MORC1: variants seen among roughly 807,000 people sequenced by gnomAD.
MORC1 encodes the protein MORC family CW-type zinc finger 1, also known as MORC family CW-type zinc finger protein 1.
Under a neutral mutation model 134.9 loss-of-function variants are expected in MORC1, and 59 were observed. That is an observed-to-expected ratio of 0.44 (90% CI 0.35 to 0.54). The LOEUF (loss-of-function observed/expected upper bound fraction) is 0.54, where lower values mean the gene tolerates loss of function less well. Among genes scored for constraint, MORC1 ranks in the 20% least tolerant of loss-of-function variants. The probability of loss-of-function intolerance (pLI) is 0.00; values close to 1 mark genes in which losing one functional copy is unlikely to be tolerated. For missense variants in MORC1, 947 were observed against 1,134.5 expected (o/e 0.83, Z 2.37); for synonymous variants, 395 against 391.7 (o/e 1.01, Z -0.10).
intron 21 of MORC1, among the ~76,000 whole-genome samples, chr3:108,994,504 C>T (rs764762847): frequency 2.6e-5 from 4 of 152,058 alleles, no homozygotes; most frequent in Non-Finnish European, 4.4e-5. Context: ...TCTGGGTTTG[C>T]CTCTAACATT....
At chr3:108,964,929 T>C (rs981511459) in intron 26 of MORC1, among the ~76,000 whole-genome samples, 14 of 152,154 alleles carry the variant, frequency 9.2e-5, no homozygotes, top group African/African-American at 2.7e-4. Flanking sequence ...GAATCCACTT[T>C]TGAACATCTT....
chr3:109,042,150 G>A (rs1949569400), intron 14 of MORC1, among the ~76,000 whole-genome samples: 1 of 152,096 alleles, frequency 6.6e-6, no homozygotes. Context: ...GAACCCAGTC[G>A]GTGGGAAGTA....
intron 11 of MORC1, among the ~76,000 whole-genome samples, chr3:109,060,797 C>G (rs1364861795): frequency 6.6e-6 from 1 of 152,070 alleles, no homozygotes. Context: ...GCCCCCAGAG[C>G]ACAGAACAGA....
intron 14 of MORC1, among the ~76,000 whole-genome samples, chr3:109,037,362 T>C (rs1221372548): frequency 6.6e-6 from 1 of 152,238 alleles, no homozygotes; most frequent in Non-Finnish European, 1.5e-5. Flanking sequence ...TTCTTCTCTG[T>C]ACACCAGCTC....
At chr3:108,976,582 G>T (rs531652486) in intron 24 of MORC1, among the ~76,000 whole-genome samples, 11 of 152,206 alleles carry the variant, frequency 7.2e-5, no homozygotes, top group Non-Finnish European at 1.5e-4. Context: ...ACTACATGTT[G>T]CTGAAAGCAA....
intron 1 of MORC1, among the ~76,000 whole-genome samples, chr3:109,117,409 A>G (rs1259391082): frequency 6.6e-6 from 1 of 152,086 alleles, no homozygotes; most frequent in African/African-American, 2.4e-5. Context: ...ACTAACTGCT[A>G]TAATTTGCTG....
At position 108,959,037 on chromosome 3, in the gene MORC1, A is replaced by G. The variant is rs1180832084; in HGVS notation, c.2883T>C (p.Asn961=). ...TTGCATCTATAGTTACTTTATTTAA[A>G]TTGTTCTGGAAGAGAAGATTATCTT... ...LKEDNLLFQN[N]LNKVTIDARH... Residue 961 remains asparagine (N), a synonymous_variant, in exon 28 of 28, where the codon AAT becomes AAC. Transcript: ENST00000232603. 5 of 1,558,976 alleles carry G rather than the reference A, an allele frequency of 3.2e-6. No individual in the cohort carries two copies. Among genetic ancestry groups the G allele is most frequent in the Non-Finnish European group, 4.3e-6 (5 of 1,153,570 alleles).
intron 26 of MORC1, among the ~76,000 whole-genome samples, chr3:108,966,579 A>G (rs1947226530): frequency 6.6e-6 from 1 of 152,218 alleles, no homozygotes; most frequent in African/African-American, 2.4e-5. Flanking sequence ...GGAGAAAGTG[A>G]AATATAATAA....
At chr3:109,004,055 G>A (rs907324992) in intron 20 of MORC1, among the ~76,000 whole-genome samples, 3 of 152,064 alleles carry the variant, frequency 2.0e-5, no homozygotes, top group Admixed American at 2.0e-4. Context: ...GCGACAGAGC[G>A]AGACTTCGTC....
intron 17 of MORC1, among the ~76,000 whole-genome samples, chr3:109,017,741 A>G (rs1948850026): frequency 6.6e-6 from 1 of 152,210 alleles, no homozygotes; most frequent in Non-Finnish European, 1.5e-5. Context: ...CTGTTTACCA[A>G]TGATAGCATC....
At chr3:109,019,880 T>C (rs1948914240) in intron 17 of MORC1, among the ~76,000 whole-genome samples, 2 of 152,192 alleles carry the variant, frequency 1.3e-5, no homozygotes, top group South Asian at 4.1e-4. Flanking sequence ...TAGATAATTA[T>C]GGAAATCTTG....
At chr3:108,973,542 T>G (rs1947450702) in intron 24 of MORC1, among the ~76,000 whole-genome samples, 1 of 151,980 alleles carries the variant, frequency 6.6e-6, no homozygotes, top group African/African-American at 2.4e-5. Context: ...TTGGTCAGAT[T>G]CAAGTATTTT....
At chr3:108,997,573 A>G (rs1351388637) in intron 21 of MORC1, among the ~76,000 whole-genome samples, 1 of 152,172 alleles carries the variant, frequency 6.6e-6, no homozygotes, top group Non-Finnish European at 1.5e-5. Flanking sequence ...GCCTTAGAAT[A>G]AAAACAATAA....
At chr3:109,023,881 G>A (rs898086051) in intron 17 of MORC1, among the ~76,000 whole-genome samples, 1 of 152,136 alleles carries the variant, frequency 6.6e-6, no homozygotes, top group African/African-American at 2.4e-5. Context: ...CTTGTCACTC[G>A]GTATAGAAAA....
At chr3:109,023,012 GTACTTTTCTAAGTAGGTAAATGAAAGA>G (rs550398586) in intron 17 of MORC1, among the ~76,000 whole-genome samples, 3,452 of 152,270 alleles carry the variant, frequency 0.023, 59 homozygotes, top group Middle Eastern at 0.11. Flanking sequence ...AAGGAAGAAG[GTACTTTTCTAAGTAGGTAAATGAAAGA>G]TACTTTTCTA....
intron 14 of MORC1, among the ~76,000 whole-genome samples, chr3:109,038,200 T>A (rs2107624416): frequency 6.6e-6 from 1 of 152,354 alleles, no homozygotes; most frequent in South Asian, 2.1e-4. Flanking sequence ...GCAGTGATGA[T>A]GAGCATTTTT....
At chr3:109,076,890 T>TG (rs1950434070) in intron 8 of MORC1, among the ~76,000 whole-genome samples, 1 of 150,838 alleles carries the variant, frequency 6.6e-6, no homozygotes, top group African/African-American at 2.4e-5. Flanking sequence ...GACAGGTTGA[T>TG]GGGTGCAGCA....
chr3:109,091,516 G>C (rs1385190427), intron 8 of MORC1, among the ~76,000 whole-genome samples: 1 of 151,974 alleles, frequency 6.6e-6, no homozygotes, highest in Non-Finnish European at 1.5e-5. Flanking sequence ...GCTTGGGAGT[G>C]ATGGGGAGGA....
At chr3:109,058,504 A>G (rs548748377) in intron 12 of MORC1, among the ~76,000 whole-genome samples, 61 of 152,230 alleles carry the variant, frequency 4.0e-4, no homozygotes, top group African/African-American at 1.4e-3. Flanking sequence ...TATAATTGAC[A>G]TAATATACTT....
Sources: gnomAD v4.1 joint callset for allele counts (sites outside exome capture counted in the v4.1 genomes callset) on GRCh38, gnomAD v4.1.1 for gene constraint, MANE v1.5 for transcripts, NCBI Gene and HGNC (gene_info 2026-07-23, HGNC 2026-07-21) for gene names.